The following SEMA3D variants were observed in gnomAD, a reference collection of about 807,000 sequenced individuals.
The protein encoded by SEMA3D is semaphorin 3D.
Under a neutral mutation model 100.1 loss-of-function variants are expected in SEMA3D, and 84 were observed. That is an observed-to-expected ratio of 0.84 (90% CI 0.70 to 1.01). The LOEUF is 1.01. Ranked by LOEUF, SEMA3D falls within the 50% of genes least tolerant of loss-of-function variation. SEMA3D has a pLI of 0.00. For missense variants in SEMA3D, 875 were observed against 934.1 expected, an observed-to-expected ratio of 0.94 and a Z score of 0.82; for synonymous variants, 312 against 320.7, an observed-to-expected ratio of 0.97 and a Z score of 0.29.
At position 85,066,913 on chromosome 7, in the gene SEMA3D, C is replaced by CATACACACACAGAGAGAGAGAGAG; in HGVS notation, c.589+1277_589+1278insCTCTCTCTCTCTCTGTGTGTGTAT. Among the ~76,000 whole-genome samples, 402 of 127,776 alleles carry CATACACACACAGAGAGAGAGAGAG rather than the reference C, an allele frequency of 3.1e-3. 2 individuals carry two copies. Among genetic ancestry groups the CATACACACACAGAGAGAGAGAGAG allele is most frequent in the African/African-American group, 9.0e-3 (287 of 31,742 alleles). The allele number at this position is 127,776 out of a possible 152,430, so 83.8% of individuals were successfully genotyped here. On this transcript the variant is annotated intron_variant, in intron 7 of 18. Transcript: ENST00000284136. ...GCGCTCACACACACACACACACACA[C>CATACACACACAGAGAGAGAGAGAG]AGAGAGAGAGAGAGAGAGAGAGAGA...
the SEMA3D span, among the ~76,000 whole-genome samples, chr7:85,207,955 TCTTGTTGCTTTTA>T: frequency 1.3e-5 from 2 of 152,040 alleles, no homozygotes; most frequent in African/African-American, 4.8e-5. Context: ...GACGAAAATA[TCTTGTTGCTTTTA>T]CTGACTTCAG....
At chr7:85,038,865 C>T (rs2158726) in intron 11 of SEMA3D, among the ~76,000 whole-genome samples, 88,243 of 152,010 alleles carry the variant, frequency 0.58, 26,445 homozygotes, top group East Asian at 0.72. Flanking sequence ...ATTAACCAAA[C>T]AGTATTTTGT....
At chr7:85,167,690 C>T (rs1381968700) in intron 1 of SEMA3D, among the ~76,000 whole-genome samples, 1 of 151,598 alleles carries the variant, frequency 6.6e-6, no homozygotes, top group Non-Finnish European at 1.5e-5. Context: ...ATTATTATTC[C>T]AGGAAGGATG....
chr7:85,020,117 G>C, intron 14 of SEMA3D, 116 bp downstream of exon 14: 8 of 662,958 alleles, frequency 1.2e-5, no homozygotes. Context: ...AACTAAGAAA[G>C]CTAATTTCAA....
At chr7:85,183,937 A>G (rs1473094926) in intron 1 of SEMA3D, among the ~76,000 whole-genome samples, 1 of 152,200 alleles carries the variant, frequency 6.6e-6, no homozygotes, top group Non-Finnish European at 1.5e-5. Context: ...ATCTCAGGAA[A>G]TGTTCTTAAT....
rs187834686 is a variant in SEMA3D, at chr7:85,147,303, T to A, written c.-41+6305A>T. 2.6e-5 allele frequency among the ~76,000 whole-genome samples: 4 copies of A among 151,972 alleles called. No individual in the cohort carries two copies. In the East Asian group the frequency reaches 7.8e-4, roughly 30 times the overall value. On this transcript the variant is annotated intron_variant, in intron 2 of 18. Transcript: ENST00000284136. Reference sequence around the variant, plus strand: ...TTTTAGTAGAGACAGGTTTTCGCCATGTGGGCCAGGCAGGTCTCAAATGCC... The same window carrying A: ...TTTTAGTAGAGACAGGTTTTCGCCAAGTGGGCCAGGCAGGTCTCAAATGCC...
Position 85,001,652 on chromosome 7 carries a change from A to T in SEMA3D, c.1909-1787T>A, listed in dbSNP as rs1238422738. Among the ~76,000 whole-genome samples, 3 of 152,174 alleles carry T rather than the reference A, an allele frequency of 2.0e-5. No individual in the cohort carries two copies. In the East Asian group the frequency reaches 5.8e-4, roughly 30 times the overall value. ...TCTACTCTGTTTCCTATGATGACTC[A>T]TTTTTCTTCCCCCATTGGTCTCCCA... On this transcript the variant is annotated intron_variant, in intron 18 of 18. Coordinates refer to ENST00000284136, the MANE Select transcript of SEMA3D (RefSeq NM_001384900.1).
intron 1 of SEMA3D, among the ~76,000 whole-genome samples, chr7:85,159,556 C>A (rs1562839744): frequency 2.0e-5 from 3 of 152,098 alleles, no homozygotes; most frequent in Non-Finnish European, 4.4e-5. Flanking sequence ...CAATGGGGAG[C>A]CATGTGTTGT....
At chr7:85,012,987 A>C (rs1789999151) in intron 16 of SEMA3D, 141 bp from the exon 17 acceptor site, 1 of 604,326 alleles carries the variant, frequency 1.7e-6, no homozygotes, top group Admixed American at 2.6e-5. Context: ...TCAATATTCC[A>C]ATCAATCTAA....
chr7:85,211,564 G>T, the SEMA3D span, among the ~76,000 whole-genome samples: 13 of 152,066 alleles, frequency 8.5e-5, no homozygotes, highest in African/African-American at 3.1e-4. Context: ...ACAATAGAAA[G>T]ACATACAAAT....
At chr7:85,003,726 C>T (rs1789717655) in intron 18 of SEMA3D, among the ~76,000 whole-genome samples, 1 of 151,938 alleles carries the variant, frequency 6.6e-6, no homozygotes, top group African/African-American at 2.4e-5. Context: ...TCACCAAATA[C>T]AACCGAAGCC....
intron 3 of SEMA3D, among the ~76,000 whole-genome samples, chr7:85,119,950 A>G (rs1789361024): frequency 6.8e-6 from 1 of 146,968 alleles, no homozygotes; most frequent in Admixed American, 6.8e-5. Flanking sequence ...GAGTCGCACC[A>G]TTAAGTGAAT....
intron 3 of SEMA3D, among the ~76,000 whole-genome samples, chr7:85,115,659 G>A (rs1055742480): frequency 4.6e-5 from 7 of 151,868 alleles, no homozygotes; most frequent in Non-Finnish European, 1.5e-5. Flanking sequence ...GACCTTACAT[G>A]TGCAATTTAA....
At position 85,042,232 on chromosome 7, in the gene SEMA3D, C is replaced by T. The variant is rs1422464522; in HGVS notation, c.915G>A (p.Lys305=). 1.9e-6 allele frequency: 3 copies of T among 1,613,492 alleles called. No homozygotes were observed. The Admixed American group carries it at 5.0e-5, about 27-fold the overall frequency. The part of the protein sequence containing the change: ...SLINKWTTFL[K]ARLICSIPGS... ...CAGGAATTGAGCAAATCAGTCTGGCCTTAAGAAAAGTCGTCCACTTGTTTA... is the reference window on the plus strand; with the variant it reads ...CAGGAATTGAGCAAATCAGTCTGGCTTTAAGAAAAGTCGTCCACTTGTTTA... Residue 305 remains lysine (K), a synonymous_variant, in exon 10 of 19, where the codon AAG becomes AAA. Coordinates refer to ENST00000284136, the MANE Select transcript of SEMA3D (RefSeq NM_001384900.1).
chr7:85,120,666 C>CAAAA (rs765641197), intron 3 of SEMA3D, among the ~76,000 whole-genome samples: 4 of 82,794 alleles, frequency 4.8e-5, no homozygotes, highest in Non-Finnish European at 5.2e-5. Context: ...GACTTCATCT[C>CAAAA]AAAAAAAAAA....
chr7:85,218,128 T>C, the SEMA3D span, among the ~76,000 whole-genome samples: 2 of 152,202 alleles, frequency 1.3e-5, no homozygotes, highest in South Asian at 4.1e-4. Context: ...TATTCAATTA[T>C]TCTGCACTGA....
chr7:84,997,880 G>A lies in SEMA3D; in HGVS notation c.*1560C>T, dbSNP rs1170769945. The stretch of plus-strand genomic sequence containing the variant: ...GGGTTCTGTGTTACAAGAAGGAAAG[G>A]TGAGTTCTGCTTAAACAGACAGGAA... On this transcript the variant is annotated 3_prime_UTR_variant, in exon 19 of 19. Transcript: ENST00000284136. The A allele has an allele frequency of 6.6e-6, 1 of 152,230 alleles. No homozygotes were observed. Among genetic ancestry groups the A allele is most frequent in the Non-Finnish European group, 1.5e-5 (1 of 67,976 alleles). 9.4% of individuals were successfully genotyped at this position (152,230 alleles called of 1,614,324 possible).
the SEMA3D span, among the ~76,000 whole-genome samples, chr7:85,244,723 T>C: frequency 2.4e-4 from 36 of 150,720 alleles, no homozygotes; most frequent in African/African-American, 8.6e-4. Context: ...TTTTTTTTTT[T>C]TTTTTTGAGA....
At chr7:85,199,377 C>T in the SEMA3D span, among the ~76,000 whole-genome samples, 1 of 152,020 alleles carries the variant, frequency 6.6e-6, no homozygotes, top group Admixed American at 6.6e-5. Flanking sequence ...AAGTATTCTG[C>T]ATTTAGTGTT....
Sources: allele counts gnomAD v4.1 joint callset (sites outside exome capture counted in the v4.1 genomes callset), GRCh38; gene constraint gnomAD v4.1.1; transcripts MANE v1.5; gene names NCBI Gene and HGNC (gene_info 2026-07-23, HGNC 2026-07-21).